CSMD1: variants seen among roughly 807,000 people sequenced by gnomAD.
CSMD1 encodes CUB and sushi domain-containing protein 1.
Under a neutral mutation model 417.5 loss-of-function variants are expected in CSMD1, and 213 were observed. The ratio of observed to expected loss-of-function variants is 0.51; its 90% CI spans 0.46 to 0.57. The LOEUF is 0.57. Ranked by LOEUF, CSMD1 falls within the 20% of genes least tolerant of loss-of-function variation. The pLI is 0.00. For synonymous variants in CSMD1, 2,862 were observed against 1,736.8 expected, an observed-to-expected ratio of 1.65 and a Z score of -16.11; for missense variants, 6,923 against 4,529.7, an observed-to-expected ratio of 1.53 and a Z score of -15.17.
intron 4 of CSMD1, among the ~76,000 whole-genome samples, chr8:4,018,953 G>T (rs550323472): frequency 6.6e-6 from 1 of 152,292 alleles, no homozygotes; most frequent in South Asian, 2.1e-4. Flanking sequence ...TGTAAACATT[G>T]TCTGACATTT....
chr8:3,436,384 G>C (rs1200933800), intron 12 of CSMD1, among the ~76,000 whole-genome samples: 2 of 152,132 alleles, frequency 1.3e-5, no homozygotes, highest in African/African-American at 4.8e-5. Context: ...CTGCAAAACT[G>C]TCTGATTAGA....
In CSMD1 at chr8:3,363,294, C is replaced by T. The variant is rs528027297; in HGVS notation, c.3115+3738G>A. On this transcript the variant is annotated intron_variant, in intron 20 of 69. Coordinates refer to ENST00000635120, the MANE Select transcript of CSMD1 (RefSeq NM_033225.6). ...CAACCACAGAAGAAGAAACAGTATC[C>T]TCATTTGAAAAGTCATGGTACCATT... Among the ~76,000 whole-genome samples the T allele has an allele frequency of 7.9e-5, 12 of 152,274 alleles. No homozygotes were observed. In the East Asian group the frequency reaches 1.5e-3, roughly 20 times the overall value.
chr8:4,434,789 C>A (rs1350850344), intron 2 of CSMD1, among the ~76,000 whole-genome samples: 2 of 152,134 alleles, frequency 1.3e-5, no homozygotes, highest in Non-Finnish European at 2.9e-5. Context: ...CACTCCAGAC[C>A]CTGCACCGCC....
intron 1 of CSMD1, among the ~76,000 whole-genome samples, chr8:4,736,941 CACAGCAAACCATTCCATT>C (rs1241450601): frequency 6.6e-6 from 1 of 152,138 alleles, no homozygotes; most frequent in Non-Finnish European, 1.5e-5. Context: ...GGGGCTCAGT[CACAGCAAACCATTCCATT>C]ATTTATTCTC....
At chr8:3,019,181 T>C (rs974785700) in intron 51 of CSMD1, among the ~76,000 whole-genome samples, 26 of 152,128 alleles carry the variant, frequency 1.7e-4, no homozygotes, top group Admixed American at 1.4e-3. Context: ...GCCTCCCAAA[T>C]TGCTGGGATT....
intron 2 of CSMD1, among the ~76,000 whole-genome samples, chr8:4,572,248 C>A (rs1231189740): frequency 6.6e-6 from 1 of 152,152 alleles, no homozygotes; most frequent in Non-Finnish European, 1.5e-5. Flanking sequence ...TGAGCAGTGG[C>A]TGGTACCAGT....
At chr8:4,086,967 G>T (rs373901853) in intron 3 of CSMD1, among the ~76,000 whole-genome samples, 1 of 152,184 alleles carries the variant, frequency 6.6e-6, no homozygotes, top group African/African-American at 2.4e-5. Flanking sequence ...TTACCAGATT[G>T]CTCTGAGCTT....
At chr8:4,724,027 T>C (rs1585001240) in intron 1 of CSMD1, among the ~76,000 whole-genome samples, 1 of 152,098 alleles carries the variant, frequency 6.6e-6, no homozygotes, top group East Asian at 1.9e-4. Flanking sequence ...GACCATTAAA[T>C]ATCAATCACT....
chr8:3,232,876 CCTT>C (rs1329382357), intron 26 of CSMD1, among the ~76,000 whole-genome samples: 6 of 151,678 alleles, frequency 4.0e-5, no homozygotes, highest in African/African-American at 1.2e-4. Context: ...AATAGTCTTA[CCTT>C]CTTCTTTAAT....
At chr8:4,219,547 G>C (rs1393238123) in intron 3 of CSMD1, among the ~76,000 whole-genome samples, 1 of 61,824 alleles carries the variant, frequency 1.6e-5, no homozygotes, top group African/African-American at 6.5e-5. Flanking sequence ...AAACATTTAT[G>C]CTTATGTTAA....
intron 5 of CSMD1, among the ~76,000 whole-genome samples, chr8:3,767,490 CT>C (rs1798342151): frequency 6.6e-6 from 1 of 152,198 alleles, no homozygotes; most frequent in African/African-American, 2.4e-5. Flanking sequence ...TCTTTTTCTA[CT>C]TCCCCCAACC....
chr8:4,014,901 C>A (rs1011412541), intron 4 of CSMD1, among the ~76,000 whole-genome samples: 1 of 152,072 alleles, frequency 6.6e-6, no homozygotes, highest in Non-Finnish European at 1.5e-5. Flanking sequence ...TGGGCAGAGC[C>A]ACTTCTGATT....
chr8:4,241,264 T>A (rs1049826394), intron 3 of CSMD1, among the ~76,000 whole-genome samples: 5 of 152,200 alleles, frequency 3.3e-5, no homozygotes, highest in African/African-American at 4.8e-5. Context: ...CACAGGGCCC[T>A]AAATAATCTC....
At chr8:4,604,331 AC>A (rs1339789224) in intron 2 of CSMD1, among the ~76,000 whole-genome samples, 2 of 151,224 alleles carry the variant, frequency 1.3e-5, no homozygotes, top group African/African-American at 4.9e-5. Context: ...GGTTATATAT[AC>A]AATATATATA....
Position 4,116,314 on chromosome 8 carries a change from G to A in CSMD1, c.416-84215C>T, listed in dbSNP as rs116985741. Among the ~76,000 whole-genome samples the A allele has an allele frequency of 3.4e-4, 51 of 152,144 alleles. No homozygotes were observed. The East Asian group carries it at 7.2e-3, about 21-fold the overall frequency. On this transcript the variant is annotated intron_variant, in intron 3 of 69. Transcript: ENST00000635120. Reference sequence around the variant, plus strand: ...CAACATAAAATAGAATCTTTAGGACGGTGAAACCACTCTGTATGATACTAT... The same window carrying A: ...CAACATAAAATAGAATCTTTAGGACAGTGAAACCACTCTGTATGATACTAT...
chr8:3,980,271 G>C (rs1332809070), intron 5 of CSMD1, among the ~76,000 whole-genome samples: 1 of 152,200 alleles, frequency 6.6e-6, no homozygotes, highest in Non-Finnish European at 1.5e-5. Context: ...AGCTGAACTA[G>C]CATTGTATCC....
intron 7 of CSMD1, among the ~76,000 whole-genome samples, chr8:3,695,458 T>C (rs1800498748): frequency 6.6e-6 from 1 of 152,100 alleles, no homozygotes; most frequent in Non-Finnish European, 1.5e-5. Flanking sequence ...TAATATAAAA[T>C]CATGAGAAAT....
At chr8:4,961,046 T>A (rs183546033) in intron 1 of CSMD1, among the ~76,000 whole-genome samples, 32 of 152,182 alleles carry the variant, frequency 2.1e-4, no homozygotes, top group Admixed American at 3.9e-4. Flanking sequence ...CTTCTCACCC[T>A]ACGAAATAGT....
chr8:3,105,218 A>G (rs967054915), intron 46 of CSMD1, among the ~76,000 whole-genome samples: 1 of 152,232 alleles, frequency 6.6e-6, no homozygotes, highest in Non-Finnish European at 1.5e-5. Context: ...TGCACAGTGC[A>G]GGGAAGAGTG....
Sources: allele counts gnomAD v4.1 joint callset (sites outside exome capture counted in the v4.1 genomes callset), GRCh38; gene constraint gnomAD v4.1.1; transcripts MANE v1.5; gene names NCBI Gene and HGNC (gene_info 2026-07-23, HGNC 2026-07-21).